TRPM3: variants seen among roughly 807,000 people sequenced by gnomAD.
TRPM3 encodes the protein transient receptor potential cation channel subfamily M member 3.
Under a neutral mutation model 181.2 loss-of-function variants are expected in TRPM3, and 77 were observed. The ratio of observed to expected loss-of-function variants is 0.42; its 90% CI spans 0.35 to 0.51. TRPM3 has a LOEUF of 0.51. Among genes scored for constraint, TRPM3 ranks in the 20% least tolerant of loss-of-function variants. The probability of loss-of-function intolerance (pLI) is 0.01; values close to 1 mark genes in which losing one functional copy is unlikely to be tolerated. For synonymous variants in TRPM3, 745 were observed against 796.4 expected (o/e 0.94, Z 1.09); for missense variants, 1,759 against 2,196.7 (o/e 0.80, Z 3.98).
At chr9:70,805,343 G>A (rs1213857089) in intron 6 of TRPM3, among the ~76,000 whole-genome samples, 2 of 151,896 alleles carry the variant, frequency 1.3e-5, no homozygotes, top group African/African-American at 2.4e-5. Context: ...AGACCATCCT[G>A]GCTAACACGG....
chr9:71,302,785 A>G (rs988066476), intron 1 of TRPM3, among the ~76,000 whole-genome samples: 1 of 152,066 alleles, frequency 6.6e-6, no homozygotes, highest in Non-Finnish European at 1.5e-5. Flanking sequence ...ATATTCTAAA[A>G]AAAAAAAGGA....
chr9:70,698,207 CAAA>C (rs35974302), intron 8 of TRPM3, among the ~76,000 whole-genome samples: 207 of 117,286 alleles, frequency 1.8e-3, no homozygotes, highest in African/African-American at 6.7e-3. Flanking sequence ...GACTCTGTCT[CAAA>C]AAAAAAAAAA....
rs879593427 is a variant in TRPM3, at chr9:70,869,640, A to G, written c.178-5129T>C. 3.9e-5 allele frequency among the ~76,000 whole-genome samples: 6 copies of G among 152,058 alleles called. No homozygotes were observed. In the South Asian group the frequency reaches 6.2e-4, roughly 16 times the overall value. ...TTGGAGTTTGTCGGGGACCTTCGAG[A>G]ACTTCTAAAATGTCAATAATAAAAC... On this transcript the variant is annotated intron_variant, in intron 1 of 25. Coordinates refer to ENST00000677713, the MANE Select transcript of TRPM3 (RefSeq NM_001366145.2).
chr9:71,375,140 C>T (rs2132829787), intron 1 of TRPM3, among the ~76,000 whole-genome samples: 1 of 151,740 alleles, frequency 6.6e-6, no homozygotes, highest in South Asian at 2.1e-4. Flanking sequence ...CCCAAATAGC[C>T]AAACCAAAAC....
intron 1 of TRPM3, among the ~76,000 whole-genome samples, chr9:71,215,988 T>C (rs1267801203): frequency 2.6e-5 from 4 of 152,128 alleles, no homozygotes; most frequent in Non-Finnish European, 5.9e-5. Flanking sequence ...GGATCAGAAG[T>C]TAATGGCCTA....
chr9:71,243,004 T>C (rs897209435), intron 1 of TRPM3, among the ~76,000 whole-genome samples: 7 of 152,164 alleles, frequency 4.6e-5, no homozygotes, highest in Non-Finnish European at 8.8e-5. Context: ...AGCTCATCTG[T>C]GCCCCAGAGC....
intron 20 of TRPM3, among the ~76,000 whole-genome samples, chr9:70,600,534 T>A (rs897294549): frequency 6.6e-6 from 1 of 151,914 alleles, no homozygotes; most frequent in African/African-American, 2.4e-5. Flanking sequence ...TAAACTTCAG[T>A]GCACATCAGA....
chr9:71,408,274 C>A (rs960777864), intron 1 of TRPM3, among the ~76,000 whole-genome samples: 2 of 151,966 alleles, frequency 1.3e-5, no homozygotes, highest in Admixed American at 6.6e-5. Flanking sequence ...ACAGAAGGCG[C>A]CTTCAGAAGA....
At chr9:71,255,692 C>T (rs2082629459) in intron 1 of TRPM3, among the ~76,000 whole-genome samples, 1 of 152,044 alleles carries the variant, frequency 6.6e-6, no homozygotes, top group Non-Finnish European at 1.5e-5. Flanking sequence ...CCTTTGCCAC[C>T]CATTAAATGT....
At chr9:71,078,733 T>G (rs1458479103) in intron 1 of TRPM3, among the ~76,000 whole-genome samples, 1 of 152,248 alleles carries the variant, frequency 6.6e-6, no homozygotes, top group Non-Finnish European at 1.5e-5. Flanking sequence ...GTCTCTCTGC[T>G]GGCAAGGCCT....
At chr9:70,846,621 G>A in intron 3 of TRPM3, 30 bp from the exon 4 acceptor site, 3 of 1,580,716 alleles carry the variant, frequency 1.9e-6, no homozygotes, top group Non-Finnish European at 2.6e-6. Flanking sequence ...CAATTAGGGA[G>A]ACAAGGCAGG....
At chr9:70,809,881 C>T in intron 6 of TRPM3, 1 of 494,430 alleles carries the variant, frequency 2.0e-6, no homozygotes. Context: ...TGTTTTTCAT[C>T]TCTCTTATGG....
At chr9:70,605,505 C>T (rs2060900191) in intron 19 of TRPM3, among the ~76,000 whole-genome samples, 1 of 152,044 alleles carries the variant, frequency 6.6e-6, no homozygotes, top group Non-Finnish European at 1.5e-5. Context: ...TACCCCTCCC[C>T]ATCTTCAGGA....
chr9:70,874,023 C>A (rs936373993), intron 1 of TRPM3, among the ~76,000 whole-genome samples: 5 of 151,774 alleles, frequency 3.3e-5, no homozygotes, highest in Non-Finnish European at 5.9e-5. Context: ...ATCATATACA[C>A]CTTAACATAA....
chr9:71,128,942 C>G (rs921499358), intron 1 of TRPM3, among the ~76,000 whole-genome samples: 1 of 152,198 alleles, frequency 6.6e-6, no homozygotes, highest in Non-Finnish European at 1.5e-5. Flanking sequence ...ACACACCCTG[C>G]CTTGTGCATC....
Position 71,436,805 on chromosome 9 carries a change from C to T in TRPM3, c.183+9848G>A, listed in dbSNP as rs376165912. 2.9e-4 allele frequency among the ~76,000 whole-genome samples: 44 copies of T among 152,262 alleles called. No individual in the cohort carries two copies. In the East Asian group the frequency reaches 6.9e-3, roughly 24 times the overall value. ...TCCAGTGAAACCCATGTCATACTTC[C>T]GTACTACAGAACTGAGATAATAAAT... is the stretch of plus-strand genomic sequence containing the variant. On this transcript the variant is annotated intron_variant, in intron 1 of 24. Transcript: ENST00000357533.
At chr9:70,945,032 C>T (rs2096919619) in intron 1 of TRPM3, among the ~76,000 whole-genome samples, 1 of 151,954 alleles carries the variant, frequency 6.6e-6, no homozygotes, top group Non-Finnish European at 1.5e-5. Context: ...TCATTTTTTG[C>T]CTTTAAAGCC....
chr9:70,739,838 G>A (rs953781131), intron 8 of TRPM3, among the ~76,000 whole-genome samples: 2 of 152,014 alleles, frequency 1.3e-5, no homozygotes, highest in African/African-American at 4.8e-5. Flanking sequence ...GGCTGGTCTC[G>A]AACTACTGGC....
chr9:70,738,855 G>A (rs149660230), intron 8 of TRPM3, among the ~76,000 whole-genome samples: 2,226 of 152,170 alleles, frequency 0.015, 26 homozygotes, highest in Non-Finnish European at 0.02. Flanking sequence ...ACACCTTTAT[G>A]TGCATAAGCT....
Sources: gnomAD v4.1 joint callset for allele counts (sites outside exome capture counted in the v4.1 genomes callset) on GRCh38, gnomAD v4.1.1 for gene constraint, MANE v1.5 for transcripts, NCBI Gene and HGNC (gene_info 2026-07-23, HGNC 2026-07-21) for gene names.